CHRNB3: variants seen among roughly 807,000 people sequenced by gnomAD.
The protein encoded by CHRNB3 is neuronal acetylcholine receptor subunit beta-3.
In CHRNB3, 37 loss-of-function variants were observed where a neutral mutation model predicts 40.6. That is an observed-to-expected ratio of 0.91 (90% CI 0.70 to 1.20). The LOEUF is 1.20. CHRNB3 is among the 50% of genes most tolerant of loss of function. The probability of loss-of-function intolerance (pLI) is 0.00; values close to 1 mark genes in which losing one functional copy is unlikely to be tolerated. For synonymous variants in CHRNB3, 207 were observed against 207.1 expected (o/e 1.00, Z 0.00); for missense variants, 505 against 551.2 (o/e 0.92, Z 0.84).
At chr8:42,709,555 C>T (rs1380037698) in intron 2 of CHRNB3, among the ~76,000 whole-genome samples, 1 of 152,106 alleles carries the variant, frequency 6.6e-6, no homozygotes, top group Non-Finnish European at 1.5e-5. Context: ...GGCTCAATAC[C>T]CCAGGATTCC....
intron 5 of CHRNB3, among the ~76,000 whole-genome samples, chr8:42,735,599 C>T (rs1586414528): frequency 6.6e-6 from 1 of 151,960 alleles, no homozygotes; most frequent in Non-Finnish European, 1.5e-5. Context: ...TTCCCCAAGA[C>T]GGAGGACATT....
chr8:42,716,399 G>A (rs1222136430), intron 3 of CHRNB3, among the ~76,000 whole-genome samples: 1 of 152,086 alleles, frequency 6.6e-6, no homozygotes, highest in Non-Finnish European at 1.5e-5. Context: ...AGCCTGCTCT[G>A]CACTGTGTAA....
At chr8:42,708,259 G>A (rs979594778) in intron 1 of CHRNB3, among the ~76,000 whole-genome samples, 10 of 152,202 alleles carry the variant, frequency 6.6e-5, no homozygotes. Flanking sequence ...GAGGTCAGGA[G>A]ATCGAGACCA....
chr8:42,730,860 A>T (rs1816401371), intron 4 of CHRNB3, among the ~76,000 whole-genome samples, 157 bp downstream of exon 4: 1 of 136,222 alleles, frequency 7.3e-6, no homozygotes, highest in South Asian at 2.4e-4. Flanking sequence ...CATCCTGGCT[A>T]ACAAGGTGAA....
chr8:42,703,435 A>AAAAAAAAAAAAAAT lies in CHRNB3; in HGVS notation c.53-5281_53-5280insAAAAAAAAAAAATA. ...CAAGACTTCGTCTAAAAAAAAAAAA[A>AAAAAAAAAAAAAAT]ATATTTATATATATATATATATATA... On this transcript the variant is annotated intron_variant, in intron 1 of 5. Coordinates refer to ENST00000289957, the MANE Select transcript of CHRNB3 (RefSeq NM_000749.5). Among the ~76,000 whole-genome samples the AAAAAAAAAAAAAAT allele has an allele frequency of 4.2e-5, 2 of 47,412 alleles. 1 individual carries two copies. Among genetic ancestry groups the AAAAAAAAAAAAAAT allele is most frequent in the Non-Finnish European group, 9.3e-5 (2 of 21,532 alleles). 31.1% of individuals were successfully genotyped at this position (47,412 alleles called of 152,430 possible). A position where few individuals can be genotyped will look rare whatever the true frequency, so the allele number is the denominator to read the frequency against.
chr8:42,717,274 T>C lies in CHRNB3; in HGVS notation c.249+6840T>C, dbSNP rs1271590193. On this transcript the variant is annotated intron_variant, in intron 3 of 5. Coordinates refer to ENST00000289957, the MANE Select transcript of CHRNB3 (RefSeq NM_000749.5). ...CTGTAGTCCCAGCTACTTGGGAGGC[T>C]GAGGCAGGAGAATGGCGTGAACCCG... Among the ~76,000 whole-genome samples the C allele has an allele frequency of 3.7e-5, 5 of 133,462 alleles. 1 individual carries two copies. Among genetic ancestry groups the C allele is most frequent in the Non-Finnish European group, 6.3e-5 (4 of 63,246 alleles). 87.6% of individuals were successfully genotyped at this position (133,462 alleles called of 152,430 possible). A position where few individuals can be genotyped will look rare whatever the true frequency, so the allele number is the denominator to read the frequency against.
At position 42,726,039 on chromosome 8, in the gene CHRNB3, G is replaced by A. The variant is rs182618038; in HGVS notation, c.250-4555G>A. 74 of 958,442 alleles carry A rather than the reference G, an allele frequency of 7.7e-5. 1 individual carries two copies. In the East Asian group the frequency reaches 1.4e-3, roughly 19 times the overall value. The allele number at this position is 958,442 out of a possible 1,614,324, so 59.4% of individuals were successfully genotyped here. On this transcript the variant is annotated intron_variant, in intron 3 of 5. Transcript: ENST00000289957. ...AGTCGTCTGAGACGTACCTTGTCAC[G>A]TTTCTGTCACCAGGAATCTTGTAGG...
intron 1 of CHRNB3, among the ~76,000 whole-genome samples, chr8:42,700,561 C>A (rs1278219704): frequency 6.6e-6 from 1 of 152,060 alleles, no homozygotes; most frequent in Non-Finnish European, 1.5e-5. Flanking sequence ...CTTAGGAGAT[C>A]CACCCGCTCC....
At chr8:42,710,672 G>A (rs546596832) in intron 3 of CHRNB3, among the ~76,000 whole-genome samples, 1 of 152,296 alleles carries the variant, frequency 6.6e-6, no homozygotes, top group South Asian at 2.1e-4. Context: ...TCGTGGAGCA[G>A]GCAGAGGTGA....
At chr8:42,727,020 C>T (rs193118510) in intron 3 of CHRNB3, among the ~76,000 whole-genome samples, 3 of 152,220 alleles carry the variant, frequency 2.0e-5, no homozygotes, top group Admixed American at 2.0e-4. Context: ...TAGCCACAAG[C>T]AGATTCAAAA....
intron 1 of CHRNB3, among the ~76,000 whole-genome samples, chr8:42,700,373 G>C (rs559417223): frequency 6.6e-6 from 1 of 151,858 alleles, no homozygotes; most frequent in Admixed American, 6.6e-5. Flanking sequence ...ACCCAGGCTG[G>C]AGTGCAGTGG....
intron 4 of CHRNB3, 81 bp from the exon 5 acceptor site, chr8:42,731,586 A>T: frequency 7.2e-7 from 1 of 1,393,004 alleles, no homozygotes; most frequent in Non-Finnish European, 9.7e-7. Flanking sequence ...GTCATAAAAC[A>T]GAAATAGTCA....
chr8:42,729,861 G>T (rs913252913), intron 3 of CHRNB3, among the ~76,000 whole-genome samples: 6 of 152,060 alleles, frequency 3.9e-5, no homozygotes, highest in African/African-American at 1.5e-4. Context: ...TCATCCTCTT[G>T]ACCTTCACAG....
intron 3 of CHRNB3, among the ~76,000 whole-genome samples, chr8:42,727,813 A>G (rs1367205616): frequency 6.6e-6 from 1 of 152,116 alleles, no homozygotes. Context: ...CAGTGAGCCG[A>G]GACTGTGCGA....
At chr8:42,698,536 T>A (rs1038288206) in intron 1 of CHRNB3, among the ~76,000 whole-genome samples, 5 of 152,174 alleles carry the variant, frequency 3.3e-5, no homozygotes, top group Non-Finnish European at 7.3e-5. Context: ...CATTTCAAGT[T>A]CCCAAGGCTG....
chr8:42,724,700 C>G (rs569430385), intron 3 of CHRNB3, among the ~76,000 whole-genome samples: 8 of 151,848 alleles, frequency 5.3e-5, no homozygotes, highest in Non-Finnish European at 8.8e-5. Flanking sequence ...TGGAATTGGC[C>G]GGGCGCGGTG....
intron 3 of CHRNB3, among the ~76,000 whole-genome samples, chr8:42,725,006 T>C (rs1337173308): frequency 1.3e-5 from 2 of 151,306 alleles, no homozygotes; most frequent in African/African-American, 4.9e-5. Flanking sequence ...AAGAAAACAC[T>C]GGAATTTTTT....
At chr8:42,723,437 G>A (rs1399856020) in intron 3 of CHRNB3, among the ~76,000 whole-genome samples, 1 of 152,076 alleles carries the variant, frequency 6.6e-6, no homozygotes, top group African/African-American at 2.4e-5. Flanking sequence ...AAATACCCCT[G>A]AGAGCTGAAC....
intron 3 of CHRNB3, 35 bp from the exon 4 acceptor site, chr8:42,730,559 T>C: frequency 1.5e-6 from 2 of 1,295,764 alleles, no homozygotes; most frequent in Non-Finnish European, 2.2e-6. Flanking sequence ...CATTGAACTT[T>C]CGGAATAAAA....
Sources: gnomAD v4.1 joint callset for allele counts (sites outside exome capture counted in the v4.1 genomes callset) on GRCh38, gnomAD v4.1.1 for gene constraint, MANE v1.5 for transcripts, NCBI Gene and HGNC (gene_info 2026-07-23, HGNC 2026-07-21) for gene names.